The following RABGAP1L variants were observed in gnomAD, a reference collection of about 807,000 sequenced individuals.
RABGAP1L encodes rab GTPase-activating protein 1-like.
RABGAP1L carries 63 observed loss-of-function variants against 137.7 expected under a neutral mutation model. The ratio of observed to expected loss-of-function variants is 0.46; its 90% confidence interval spans 0.37 to 0.56. RABGAP1L has a LOEUF of 0.56. Among genes scored for constraint, RABGAP1L ranks in the 20% least tolerant of loss-of-function variants. The pLI is 0.00. For synonymous variants in RABGAP1L, 431 were observed against 433.7 expected, an observed-to-expected ratio of 0.99 and a Z score of 0.08; for missense variants, 1,095 against 1,244.0, an observed-to-expected ratio of 0.88 and a Z score of 1.80.
At chr1:174,831,034 TA>T (rs1692060872) in intron 19 of RABGAP1L, among the ~76,000 whole-genome samples, 1 of 147,848 alleles carries the variant, frequency 6.8e-6, no homozygotes, top group Admixed American at 6.8e-5. Context: ...ATTAATAATT[TA>T]TAGGAGATTT....
At chr1:174,449,312 G>A in intron 13 of RABGAP1L, 1 of 881,344 alleles carries the variant, frequency 1.1e-6, no homozygotes, top group Non-Finnish European at 1.8e-6. Flanking sequence ...ACTGTAAAAT[G>A]AAGTATGAGA....
intron 19 of RABGAP1L, among the ~76,000 whole-genome samples, chr1:174,905,109 G>T (rs920580946): frequency 1.3e-5 from 2 of 152,162 alleles, no homozygotes; most frequent in African/African-American, 4.8e-5. Context: ...CAAAAAGGAG[G>T]AAGTGACCTA....
chr1:174,341,437 G>A (rs566240717), intron 11 of RABGAP1L, among the ~76,000 whole-genome samples: 1 of 152,326 alleles, frequency 6.6e-6, no homozygotes, highest in East Asian at 1.9e-4. Flanking sequence ...TGTAAGTGTT[G>A]TAGAATAGGA....
rs570404279 is a variant in RABGAP1L, at chr1:174,805,862, A to G, written c.2212-5970A>G. Among the ~76,000 whole-genome samples the G allele has an allele frequency of 4.6e-5, 7 of 152,330 alleles. No homozygotes were observed. The East Asian group carries it at 5.8e-4, about 13-fold the overall frequency. ...TCTTTATTTTCCAAGGGAAGGAAAC[A>G]TGCCTCTGCTTATTGAAATTGTCGA... On this transcript the variant is annotated intron_variant, in intron 18 of 25. Transcript: ENST00000681986.
chr1:174,303,768 A>C (rs946233037), intron 10 of RABGAP1L, among the ~76,000 whole-genome samples: 1 of 152,208 alleles, frequency 6.6e-6, no homozygotes, highest in Non-Finnish European at 1.5e-5. Context: ...AACTAAGTGC[A>C]GATGAAATAT....
chr1:174,559,145 T>A (rs1667057340), intron 13 of RABGAP1L, among the ~76,000 whole-genome samples: 1 of 152,204 alleles, frequency 6.6e-6, no homozygotes, highest in Non-Finnish European at 1.5e-5. Flanking sequence ...ATACCATGTG[T>A]TTTATCATTT....
intron 18 of RABGAP1L, among the ~76,000 whole-genome samples, chr1:174,803,516 T>C (rs1254661790): frequency 2.0e-5 from 3 of 152,166 alleles, no homozygotes; most frequent in Non-Finnish European, 4.4e-5. Context: ...CAGAAATTTT[T>C]AGCTGAATAA....
intron 18 of RABGAP1L, among the ~76,000 whole-genome samples, chr1:174,778,476 G>A (rs1686708473): frequency 6.6e-6 from 1 of 152,184 alleles, no homozygotes; most frequent in South Asian, 2.1e-4. Flanking sequence ...GTGGCAAATG[G>A]TACCTATGTG....
chr1:174,411,734 T>G (rs917113031), intron 13 of RABGAP1L, among the ~76,000 whole-genome samples: 23 of 152,254 alleles, frequency 1.5e-4, no homozygotes, highest in Admixed American at 1.3e-3. Flanking sequence ...TTAATTTCAT[T>G]GTTTACCCAA....
chr1:174,750,455 G>A (rs1352774480), intron 17 of RABGAP1L, among the ~76,000 whole-genome samples: 1 of 152,044 alleles, frequency 6.6e-6, no homozygotes, highest in African/African-American at 2.4e-5. Context: ...TATAATATTG[G>A]GCTAGTCACA....
chr1:174,217,781 T>C (rs553730580), intron 1 of RABGAP1L, among the ~76,000 whole-genome samples: 55 of 152,290 alleles, frequency 3.6e-4, no homozygotes, highest in African/African-American at 1.3e-3. Flanking sequence ...TATTTTGATA[T>C]TCTTGAAATT....
chr1:174,427,144 ATGTGTGTGTGTGTGTGTGTG>A lies in RABGAP1L; in HGVS notation c.1710+33020_1710+33039del, dbSNP rs57986877. 4.0e-4 allele frequency among the ~76,000 whole-genome samples: 58 copies of A among 144,682 alleles called. 1 individual carries two copies. The highest frequency in any genetic ancestry group is 3.5e-4 in the Admixed American group (5 of 14,364). 94.9% of individuals were successfully genotyped at this position (144,682 alleles called of 152,430 possible). A position where few individuals can be genotyped will look rare whatever the true frequency, so the allele number is the denominator to read the frequency against. The stretch of plus-strand genomic sequence containing the variant: ...GTTTAACATAAACCTCCGCATGTTT[ATGTGTGTGTGTGTGTGTGTG>A]TGTGTGTGTGTGTGTGTGTGAACAT... On this transcript the variant is annotated intron_variant, in intron 13 of 25. Transcript: ENST00000681986.
intron 11 of RABGAP1L, among the ~76,000 whole-genome samples, chr1:174,311,490 G>C (rs542619639): frequency 6.6e-6 from 1 of 152,114 alleles, no homozygotes; most frequent in South Asian, 2.1e-4. Context: ...CAATTGTTTT[G>C]ATTTTTAGAT....
intron 24 of RABGAP1L, among the ~76,000 whole-genome samples, chr1:174,984,343 A>G (rs1671407457): frequency 6.6e-6 from 1 of 152,236 alleles, no homozygotes; most frequent in Non-Finnish European, 1.5e-5. Context: ...TAGCTATTAG[A>G]CTGCCATTTT....
chr1:174,579,645 C>T (rs1425803916), intron 13 of RABGAP1L, among the ~76,000 whole-genome samples: 1 of 152,270 alleles, frequency 6.6e-6, no homozygotes, highest in Non-Finnish European at 1.5e-5. Flanking sequence ...TAAGAAAGAT[C>T]ATTTTGGCAG....
In RABGAP1L at chr1:174,925,859, G is replaced by T. The variant is rs1281618848; in HGVS notation, c.2341-31598G>T. Among the ~76,000 whole-genome samples, 3 of 128,844 alleles carry T rather than the reference G, an allele frequency of 2.3e-5. No individual in the cohort carries two copies. In the Admixed American group the frequency reaches 2.4e-4, roughly 10 times the overall value. 84.5% of individuals were successfully genotyped at this position (128,844 alleles called of 152,430 possible). A position where few individuals can be genotyped will look rare whatever the true frequency, so the allele number is the denominator to read the frequency against. ...TTTTGGTTTTTTGGGTTTGTTGTTG[G>T]TTTTTTTTTTGTTTTTGTTTTTTTT... is the stretch of plus-strand genomic sequence containing the variant. On this transcript the variant is annotated intron_variant, in intron 19 of 25. Transcript: ENST00000681986.
At chr1:174,221,284 T>G (rs1309699174) in intron 3 of RABGAP1L, 120 bp downstream of exon 3, 8 of 797,432 alleles carry the variant, frequency 1.0e-5, no homozygotes, top group Middle Eastern at 2.6e-4. Flanking sequence ...TTGTTGAGAG[T>G]TTCCACTTCG....
At chr1:174,625,157 C>T (rs1233751356) in intron 13 of RABGAP1L, among the ~76,000 whole-genome samples, 2 of 152,148 alleles carry the variant, frequency 1.3e-5, no homozygotes, top group African/African-American at 4.8e-5. Context: ...CAGGCATGAG[C>T]AACTGTGCCT....
chr1:174,465,399 C>T (rs951112402), intron 13 of RABGAP1L, among the ~76,000 whole-genome samples: 2 of 151,660 alleles, frequency 1.3e-5, no homozygotes, highest in African/African-American at 4.8e-5. Context: ...TGGGTTTCAC[C>T]ACATTGGCCA....
Sources: allele counts gnomAD v4.1 joint callset (sites outside exome capture counted in the v4.1 genomes callset), GRCh38; gene constraint gnomAD v4.1.1; transcripts MANE v1.5; gene names NCBI Gene and HGNC (gene_info 2026-07-23, HGNC 2026-07-21).